LHCGR: variants seen among roughly 807,000 people sequenced by gnomAD.
LHCGR encodes the protein lutropin-choriogonadotropic hormone receptor.
Under a neutral mutation model 60.7 loss-of-function variants are expected in LHCGR, and 55 were observed. The observed-to-expected ratio is 0.91, with a 90% confidence interval of 0.73 to 1.13. The LOEUF is 1.13. Ranked by LOEUF, LHCGR falls within the 50% of genes most tolerant of loss-of-function variation. LHCGR has a pLI of 0.00. For synonymous variants in LHCGR, 337 were observed against 316.5 expected, an observed-to-expected ratio of 1.06 and a Z score of -0.69; for missense variants, 862 against 836.0, an observed-to-expected ratio of 1.03 and a Z score of -0.38.
chr2:48,689,508 C>G (rs898333505), intron 10 of LHCGR, among the ~76,000 whole-genome samples: 1 of 152,186 alleles, frequency 6.6e-6, no homozygotes, highest in African/African-American at 2.4e-5. Flanking sequence ...AAATAGAAAC[C>G]AAGGATAGAT....
At chr2:48,692,379 G>A (rs562764798) in intron 10 of LHCGR, among the ~76,000 whole-genome samples, 3 of 152,212 alleles carry the variant, frequency 2.0e-5, no homozygotes, top group South Asian at 4.1e-4. Context: ...ACTTCCTCTC[G>A]CTGTCTGGTC....
chr2:48,727,003 A>G (rs910534350), intron 3 of LHCGR, among the ~76,000 whole-genome samples: 1 of 152,178 alleles, frequency 6.6e-6, no homozygotes, highest in Non-Finnish European at 1.5e-5. Context: ...GCCTGTTTCC[A>G]TCTTCTCAGC....
chr2:48,716,951 A>G (rs7608186), intron 6 of LHCGR, among the ~76,000 whole-genome samples: 21,034 of 152,102 alleles, frequency 0.14, 1,742 homozygotes, highest in South Asian at 0.27. Context: ...AAAAATATGC[A>G]CTTTTATAAC....
At chr2:48,729,517 G>C (rs943318904) in intron 2 of LHCGR, among the ~76,000 whole-genome samples, 1 of 152,168 alleles carries the variant, frequency 6.6e-6, no homozygotes, top group Non-Finnish European at 1.5e-5. Context: ...CAGATTGTTA[G>C]AATTGCATAG....
At chr2:48,695,460 G>A (rs1261153115) in intron 9 of LHCGR, among the ~76,000 whole-genome samples, 2 of 152,154 alleles carry the variant, frequency 1.3e-5, no homozygotes, top group Non-Finnish European at 2.9e-5. Context: ...TGGTGGGAGT[G>A]TAAATTAGTT....
chr2:48,721,863 A>G (rs1007581098), intron 6 of LHCGR: 7 of 456,992 alleles, frequency 1.5e-5, no homozygotes, highest in African/African-American at 1.4e-4. Flanking sequence ...AGGTATAAAG[A>G]AATGAGGCCG....
intron 1 of LHCGR, among the ~76,000 whole-genome samples, chr2:48,749,431 A>T (rs1358148251): frequency 6.6e-6 from 1 of 152,218 alleles, no homozygotes; most frequent in Non-Finnish European, 1.5e-5. Flanking sequence ...AACAAAGCAC[A>T]TATGCTCCCA....
chr2:48,714,185 CACCACCACCATCAATTTATT>C lies in LHCGR; in HGVS notation c.537-151_537-132del, dbSNP rs1420248981. 13 of 702,052 alleles carry C rather than the reference CACCACCACCATCAATTTATT, an allele frequency of 1.9e-5. No homozygotes were observed. In the Admixed American group the frequency reaches 2.7e-4, roughly 14 times the overall value. The allele number at this position is 702,052 out of a possible 1,614,324, so 43.5% of individuals were successfully genotyped here. ...TTCATAATATCTAGTTCTCCATCAT[CACCACCACCATCAATTTATT>C]AAGTGTCTATTAAGTGCTAGATACT... On this transcript the variant is annotated intron_variant, in intron 6 of 10. Transcript: ENST00000294954.
At chr2:48,721,012 C>G (rs993463641) in intron 6 of LHCGR, 1 of 152,262 alleles carries the variant, frequency 6.6e-6, no homozygotes. Flanking sequence ...TAAAGCCTCT[C>G]TGACTTCCCC....
chr2:48,718,416 C>T (rs1013506077), intron 6 of LHCGR, among the ~76,000 whole-genome samples: 1 of 152,134 alleles, frequency 6.6e-6, no homozygotes, highest in African/African-American at 2.4e-5. Context: ...TTCTGGGATT[C>T]TAATATTAAC....
At chr2:48,725,775 A>T in intron 3 of LHCGR, 25 bp from the exon 4 acceptor site, 1 of 1,554,748 alleles carries the variant, frequency 6.4e-7, no homozygotes. Context: ...GGAAAAAAAA[A>T]GCTGCTGTTT....
At chr2:48,698,395 G>T (rs904029725) in intron 9 of LHCGR, among the ~76,000 whole-genome samples, 2 of 152,186 alleles carry the variant, frequency 1.3e-5, no homozygotes, top group Admixed American at 1.3e-4. Context: ...GGCTACAAAG[G>T]TCTTCTAGCT....
intron 1 of LHCGR, among the ~76,000 whole-genome samples, chr2:48,740,510 GCCT>G: frequency 6.6e-6 from 1 of 152,266 alleles, no homozygotes; most frequent in Admixed American, 6.5e-5. Context: ...CAGGCAGACT[GCCT>G]CCTCAAGTGG....
At chr2:48,744,939 C>G (rs1216337255) in intron 1 of LHCGR, among the ~76,000 whole-genome samples, 2 of 152,104 alleles carry the variant, frequency 1.3e-5, no homozygotes, top group Non-Finnish European at 2.9e-5. Flanking sequence ...TTTTCACAAC[C>G]TACTCATCTG....
intron 8 of LHCGR, among the ~76,000 whole-genome samples, chr2:48,701,183 C>A (rs1254843162): frequency 6.6e-6 from 1 of 152,102 alleles, no homozygotes; most frequent in Non-Finnish European, 1.5e-5. Context: ...ATGGTGGAAA[C>A]AGAAATTAGA....
chr2:48,705,273 G>C (rs938982816), intron 8 of LHCGR, among the ~76,000 whole-genome samples: 4 of 152,156 alleles, frequency 2.6e-5, no homozygotes, highest in South Asian at 4.1e-4. Flanking sequence ...TGTGATTTCT[G>C]TTCTTTTACA....
chr2:48,747,495 G>A (rs35960650), intron 1 of LHCGR, among the ~76,000 whole-genome samples: 38 of 151,950 alleles, frequency 2.5e-4, no homozygotes, highest in African/African-American at 8.0e-4. Flanking sequence ...TCAAAAATGC[G>A]CCCTTCTCTG....
chr2:48,729,359 G>T, intron 2 of LHCGR, 132 bp from the exon 3 acceptor site: 1 of 748,886 alleles, frequency 1.3e-6, no homozygotes, highest in South Asian at 1.4e-5. Flanking sequence ...ACAAAGATGT[G>T]CAAGTTGTCC....
Position 48,755,573 on chromosome 2 carries a change from G to C in LHCGR, c.99C>G (p.Pro33=). The C allele has an allele frequency of 6.5e-7, 1 of 1,539,648 alleles. No homozygotes were observed. The highest frequency in any genetic ancestry group is 8.7e-7 in the Non-Finnish European group (1 of 1,145,098). ...RALREALCPE[P]CNCVPDGALR... ...GGGCGCCGTCGGGCACGCAGTTGCAGGGCTCAGGGCAGAGCGCCTCGCGCA... is the reference window on the plus strand; with the variant it reads ...GGGCGCCGTCGGGCACGCAGTTGCACGGCTCAGGGCAGAGCGCCTCGCGCA... The change falls in exon 1 of 11, where the codon CCC becomes CCG. Residue 33 remains proline, a synonymous_variant. Transcript: ENST00000294954.
Sources: gnomAD v4.1 joint callset for allele counts (sites outside exome capture counted in the v4.1 genomes callset) on GRCh38, gnomAD v4.1.1 for gene constraint, MANE v1.5 for transcripts, NCBI Gene and HGNC (gene_info 2026-07-23, HGNC 2026-07-21) for gene names.